CAMKMT: variants seen among roughly 807,000 people sequenced by gnomAD.
The protein encoded by CAMKMT is calmodulin-lysine N-methyltransferase.
Under a neutral mutation model 48.0 loss-of-function variants are expected in CAMKMT, and 53 were observed. The ratio of observed to expected loss-of-function variants is 1.10; its 90% CI spans 0.89 to 1.39. The LOEUF is 1.39. CAMKMT is among the 40% of genes most tolerant of loss of function. CAMKMT has a pLI of 0.00. For missense variants in CAMKMT, 428 were observed against 402.7 expected, an observed-to-expected ratio of 1.06 and a Z score of -0.54; for synonymous variants, 165 against 152.3, an observed-to-expected ratio of 1.08 and a Z score of -0.61.
At chr2:44,766,658 G>A in intron 10 of CAMKMT, 97 bp downstream of exon 10, 6 of 1,319,192 alleles carry the variant, frequency 4.5e-6, no homozygotes, top group Non-Finnish European at 6.3e-6. Context: ...TTTGATTAAA[G>A]TACTCCTTAG....
chr2:44,655,544 A>T (rs1166501029), intron 3 of CAMKMT, among the ~76,000 whole-genome samples: 3 of 152,196 alleles, frequency 2.0e-5, no homozygotes, highest in Non-Finnish European at 4.4e-5. Flanking sequence ...AGTGAAAGTG[A>T]CTCATTACAG....
chr2:44,395,245 C>G (rs957606748), intron 3 of CAMKMT, among the ~76,000 whole-genome samples: 2 of 151,848 alleles, frequency 1.3e-5, no homozygotes, highest in Non-Finnish European at 2.9e-5. Flanking sequence ...ATAAAGATGT[C>G]TATATATGTA....
At chr2:44,444,776 G>T (rs995642908) in intron 3 of CAMKMT, among the ~76,000 whole-genome samples, 1 of 152,144 alleles carries the variant, frequency 6.6e-6, no homozygotes, top group Non-Finnish European at 1.5e-5. Context: ...GAGCATGGGA[G>T]CTAACCAACA....
At chr2:44,712,354 T>G (rs1478351728) in intron 6 of CAMKMT, among the ~76,000 whole-genome samples, 1 of 152,130 alleles carries the variant, frequency 6.6e-6, no homozygotes, top group Non-Finnish European at 1.5e-5. Flanking sequence ...TCTCAAAATA[T>G]ATATATAACT....
At chr2:44,364,137 T>C (rs1277348388) in intron 1 of CAMKMT, among the ~76,000 whole-genome samples, 5 of 151,238 alleles carry the variant, frequency 3.3e-5, no homozygotes, top group African/African-American at 1.2e-4. Flanking sequence ...GGGTATGCCA[T>C]GATACCTGGC....
intron 3 of CAMKMT, among the ~76,000 whole-genome samples, chr2:44,523,064 A>G (rs1671203282): frequency 6.6e-6 from 1 of 152,008 alleles, no homozygotes; most frequent in South Asian, 2.1e-4. Context: ...AACTAATGCC[A>G]TGTGTTTTAG....
At chr2:44,647,361 C>T (rs1673791669) in intron 3 of CAMKMT, among the ~76,000 whole-genome samples, 2 of 152,136 alleles carry the variant, frequency 1.3e-5, no homozygotes, top group Non-Finnish European at 2.9e-5. Flanking sequence ...CAGGGAAAAG[C>T]AAAACTACAT....
intron 3 of CAMKMT, among the ~76,000 whole-genome samples, chr2:44,564,176 C>CTT (rs10599009): frequency 4.4e-5 from 6 of 137,084 alleles, no homozygotes; most frequent in African/African-American, 8.1e-5. Context: ...TTGATCAGAA[C>CTT]TTTTTTTTTT....
intron 3 of CAMKMT, among the ~76,000 whole-genome samples, chr2:44,502,131 G>T (rs541741050): frequency 8.5e-5 from 13 of 152,144 alleles, no homozygotes; most frequent in African/African-American, 2.6e-4. Flanking sequence ...TGAGGCAGGA[G>T]AATTGCTTGA....
chr2:44,591,011 G>A (rs1231845897), intron 3 of CAMKMT, among the ~76,000 whole-genome samples: 14 of 152,200 alleles, frequency 9.2e-5, no homozygotes, highest in Admixed American at 3.3e-4. Flanking sequence ...TAAATAGGGA[G>A]TCCTTTCCCC....
intron 3 of CAMKMT, among the ~76,000 whole-genome samples, chr2:44,594,399 T>C (rs537819750): frequency 4.6e-5 from 7 of 152,318 alleles, no homozygotes; most frequent in African/African-American, 1.7e-4. Context: ...TCACGCTACC[T>C]GACTTCAAAC....
intron 3 of CAMKMT, chr2:44,393,437 T>C (rs1681538799): frequency 6.6e-6 from 1 of 152,238 alleles, no homozygotes; most frequent in Non-Finnish European, 1.5e-5. Flanking sequence ...TATTGCTGTG[T>C]GATATACGAC....
At chr2:44,533,618 G>C (rs72881126) in intron 3 of CAMKMT, among the ~76,000 whole-genome samples, 14,427 of 152,216 alleles carry the variant, frequency 0.095, 808 homozygotes, top group Admixed American at 0.17. Flanking sequence ...AAAGCTGACA[G>C]AATTCATTAC....
At chr2:44,486,933 T>G (rs1669245207) in intron 3 of CAMKMT, among the ~76,000 whole-genome samples, 1 of 152,226 alleles carries the variant, frequency 6.6e-6, no homozygotes, top group Non-Finnish European at 1.5e-5. Flanking sequence ...TGTTTGTAAG[T>G]CAGTCGTTCA....
At chr2:44,621,865 G>A (rs1256536753) in intron 3 of CAMKMT, among the ~76,000 whole-genome samples, 2 of 152,172 alleles carry the variant, frequency 1.3e-5, no homozygotes, top group Admixed American at 6.5e-5. Flanking sequence ...GGGAAAAGTT[G>A]ATAAAAGACT....
intron 3 of CAMKMT, among the ~76,000 whole-genome samples, chr2:44,538,373 CA>C (rs202189281): frequency 0.013 from 1,738 of 129,704 alleles, 26 homozygotes; most frequent in Non-Finnish European, 0.02. Context: ...ATCTCAAAAA[CA>C]AAAAAAAAAA....
chr2:44,530,369 T>G (rs1666416848), intron 3 of CAMKMT, among the ~76,000 whole-genome samples: 1 of 152,208 alleles, frequency 6.6e-6, no homozygotes, highest in Non-Finnish European at 1.5e-5. Context: ...AATATTTAAT[T>G]AAATTGTTGA....
intron 3 of CAMKMT, among the ~76,000 whole-genome samples, chr2:44,422,479 C>A (rs1466410752): frequency 2.6e-5 from 4 of 152,140 alleles, no homozygotes; most frequent in Non-Finnish European, 5.9e-5. Flanking sequence ...CAGCCAGGAA[C>A]CTCTACACAG....
chr2:44,446,538 G>GT (rs2104578272), intron 3 of CAMKMT, among the ~76,000 whole-genome samples: 1 of 152,118 alleles, frequency 6.6e-6, no homozygotes, highest in South Asian at 2.1e-4. Context: ...TAGAGACGGG[G>GT]TTTTGCCATG....
Sources: gnomAD v4.1 joint callset for allele counts (sites outside exome capture counted in the v4.1 genomes callset) on GRCh38, gnomAD v4.1.1 for gene constraint, MANE v1.5 for transcripts, NCBI Gene and HGNC (gene_info 2026-07-23, HGNC 2026-07-21) for gene names.